Variants in ZSCAN25 observed in about 807,000 individuals in gnomAD.
ZSCAN25 encodes zinc finger and SCAN domain containing 25, also known as zinc finger and SCAN domain-containing protein 25.
In ZSCAN25, 27 loss-of-function variants were observed where a neutral mutation model predicts 38.7. The ratio of observed to expected loss-of-function variants is 0.70; its 90% CI spans 0.51 to 0.96. The LOEUF (loss-of-function observed/expected upper bound fraction) is 0.96. ZSCAN25 is among the 40% of genes least tolerant of loss of function. ZSCAN25 has a pLI of 0.00. For missense variants in ZSCAN25, 637 were observed against 705.9 expected (o/e 0.90, Z 1.11); for synonymous variants, 273 against 277.7 (o/e 0.98, Z 0.17).
the ZSCAN25 span, among the ~76,000 whole-genome samples, chr7:99,729,372 T>G: frequency 1.3e-5 from 2 of 152,158 alleles, no homozygotes; most frequent in Admixed American, 1.3e-4. Context: ...GGTGTCCACA[T>G]GGCCCATAAT....
At chr7:99,638,544 C>T in the ZSCAN25 span, 55 of 1,525,640 alleles carry the variant, frequency 3.6e-5, no homozygotes, top group Middle Eastern at 1.7e-4. Flanking sequence ...GTAGTTATGC[C>T]GCGAGAGCGC....
chr7:99,657,046 G>A, the ZSCAN25 span, among the ~76,000 whole-genome samples: 1 of 151,962 alleles, frequency 6.6e-6, no homozygotes. Flanking sequence ...TGGATTCATT[G>A]ATTTTTTTGA....
the ZSCAN25 span, chr7:99,707,978 G>C: frequency 6.2e-7 from 1 of 1,613,672 alleles, no homozygotes. Context: ...ACTGAACCTG[G>C]TTCCATATTG....
At chr7:99,677,418 C>A in the ZSCAN25 span, among the ~76,000 whole-genome samples, 1 of 152,204 alleles carries the variant, frequency 6.6e-6, no homozygotes, top group African/African-American at 2.4e-5. Context: ...CACAGAGGGA[C>A]CTTCCAAAGT....
At position 99,629,359 on chromosome 7, in the gene ZSCAN25, C is replaced by T; in HGVS notation, c.974C>T (p.Pro325Leu). The T allele has an allele frequency of 1.2e-6, 2 of 1,614,190 alleles. No homozygotes were observed. Among genetic ancestry groups the T allele is most frequent in the Non-Finnish European group, 1.7e-6 (2 of 1,180,032 alleles). ...GGPAGSAPGL[P>L]PPQHGAIPLP... ...CCTGCAGGCAGTGCGCCTGGGCTTC[C>T]TCCTCCCCAGCACGGTGCCATCCCC... Residue 325 changes from proline to leucine, a missense_variant, in exon 8 of 8, where the codon CCT becomes CTT. Physicochemically the swap from Pro to Leu is moderately conservative, Grantham distance 98 (BLOSUM62 -3). Coordinates refer to ENST00000394152, the MANE Select transcript of ZSCAN25 (RefSeq NM_145115.3). The surrounding 1 kb of genome is among the most constrained non-coding windows in gnomAD (Gnocchi z 5.6).
chr7:99,662,547 A>C, the ZSCAN25 span, among the ~76,000 whole-genome samples: 399 of 152,294 alleles, frequency 2.6e-3, 2 homozygotes, highest in African/African-American at 7.2e-3. The surrounding 1 kb of genome is among the most constrained non-coding windows in gnomAD (Gnocchi z 4.3). Context: ...GAGAACTGGC[A>C]TTTGATCTCA....
At chr7:99,638,611 A>G in the ZSCAN25 span, 1 of 1,583,384 alleles carries the variant, frequency 6.3e-7, no homozygotes, top group Non-Finnish European at 8.7e-7. Flanking sequence ...TTTGTAAGTC[A>G]CTGTCTCCAC....
At chr7:99,715,785 G>A in the ZSCAN25 span, 1 of 1,613,870 alleles carries the variant, frequency 6.2e-7, no homozygotes, top group South Asian at 1.1e-5. Context: ...GGATCTAATG[G>A]ATTAAATCTT....
At chr7:99,729,445 T>G in the ZSCAN25 span, among the ~76,000 whole-genome samples, 1 of 152,052 alleles carries the variant, frequency 6.6e-6, no homozygotes, top group Non-Finnish European at 1.5e-5. Flanking sequence ...CCCAAAAATT[T>G]TTGCTGCCCC....
chr7:99,694,866 G>C, the ZSCAN25 span, among the ~76,000 whole-genome samples: 1 of 152,002 alleles, frequency 6.6e-6, no homozygotes, highest in Admixed American at 6.6e-5. Context: ...ACAAAGGCTC[G>C]ACCAAAGTTC....
chr7:99,635,980 G>A (rs184135378), downstream of ZSCAN25, among the ~76,000 whole-genome samples: 549 of 146,522 alleles, frequency 3.7e-3, 6 homozygotes, highest in Non-Finnish European at 5.9e-3. Flanking sequence ...CCGGGAGGCA[G>A]AGCTTGCAGT....
chr7:99,632,057 A>G lies in ZSCAN25; in HGVS notation c.*2037A>G, dbSNP rs1420475384. On this transcript the variant is annotated 3_prime_UTR_variant, in exon 8 of 8. Coordinates refer to ENST00000394152, the MANE Select transcript of ZSCAN25 (RefSeq NM_145115.3). Reference sequence around the variant, plus strand: ...GGCTGCTTGTCATTACCTGAATCACAGATGCTCTTTTGTCATACACAGCCA... The same window carrying G: ...GGCTGCTTGTCATTACCTGAATCACGGATGCTCTTTTGTCATACACAGCCA... 1.1e-5 allele frequency: 11 copies of G among 985,284 alleles called. No individual in the cohort carries two copies. In the African/African-American group the frequency reaches 1.9e-4, roughly 17 times the overall value. 61.0% of individuals were successfully genotyped at this position (985,284 alleles called of 1,614,324 possible).
chr7:99,706,002 C>A, the ZSCAN25 span, among the ~76,000 whole-genome samples: 2 of 152,110 alleles, frequency 1.3e-5, no homozygotes, highest in Admixed American at 1.3e-4. Flanking sequence ...CAAGGTAATC[C>A]TGAGTAGCTA....
chr7:99,734,929 C>T, the ZSCAN25 span: 2 of 1,588,122 alleles, frequency 1.3e-6, no homozygotes, highest in Non-Finnish European at 1.7e-6. Context: ...CCTGAACATC[C>T]TTTTTGCTAT....
At chr7:99,737,725 C>T in the ZSCAN25 span, among the ~76,000 whole-genome samples, 2 of 152,192 alleles carry the variant, frequency 1.3e-5, no homozygotes, top group African/African-American at 2.4e-5. Context: ...GCCCTACAAA[C>T]TTCAGGAGGT....
chr7:99,733,800 C>T, the ZSCAN25 span, among the ~76,000 whole-genome samples: 3 of 152,220 alleles, frequency 2.0e-5, no homozygotes, highest in Admixed American at 6.5e-5. Flanking sequence ...ATCACTGGCT[C>T]ACAGTCTTGC....
the ZSCAN25 span, among the ~76,000 whole-genome samples, chr7:99,710,047 C>T: frequency 6.6e-6 from 1 of 152,124 alleles, no homozygotes; most frequent in Non-Finnish European, 1.5e-5. Context: ...CTAGTTGTTG[C>T]TTCAGGGCTG....
the ZSCAN25 span, among the ~76,000 whole-genome samples, chr7:99,697,685 G>T: frequency 6.6e-6 from 1 of 152,138 alleles, no homozygotes; most frequent in Non-Finnish European, 1.5e-5. Flanking sequence ...CAAATCCAGT[G>T]ACTCTGATAA....
chr7:99,711,006 G>A, the ZSCAN25 span: 33 of 1,545,260 alleles, frequency 2.1e-5, no homozygotes, highest in Non-Finnish European at 2.7e-5. Context: ...AAATAGAAAA[G>A]CAATTCAGAG....
Sources: allele counts gnomAD v4.1 joint callset (sites outside exome capture counted in the v4.1 genomes callset), GRCh38; gene constraint gnomAD v4.1.1; non-coding constraint Gnocchi (gnomAD v3.1); transcripts MANE v1.5; gene names NCBI Gene and HGNC (gene_info 2026-07-23, HGNC 2026-07-21).